FAM117A: variants seen among roughly 807,000 people sequenced by gnomAD.
The protein encoded by FAM117A is protein FAM117A.
Under a neutral mutation model 44.1 loss-of-function variants are expected in FAM117A, and 21 were observed. The ratio of observed to expected loss-of-function variants is 0.48; its 90% CI spans 0.34 to 0.69. The LOEUF is 0.69. Among genes scored for constraint, FAM117A ranks in the 30% least tolerant of loss-of-function variants. The pLI is 0.01. For synonymous variants in FAM117A, 220 were observed against 238.3 expected, an observed-to-expected ratio of 0.92 and a Z score of 0.71; for missense variants, 498 against 589.9, an observed-to-expected ratio of 0.84 and a Z score of 1.61.
At chr17:49,748,317 C>T (rs997748351) in intron 1 of FAM117A, among the ~76,000 whole-genome samples, 2 of 152,154 alleles carry the variant, frequency 1.3e-5, no homozygotes, top group East Asian at 3.8e-4. Flanking sequence ...TATGATGGTC[C>T]TCTCTGAGCA....
chr17:49,742,272 G>A (rs937608294), intron 1 of FAM117A, among the ~76,000 whole-genome samples: 1 of 152,120 alleles, frequency 6.6e-6, no homozygotes, highest in African/African-American at 2.4e-5. Flanking sequence ...GACTTCCCAA[G>A]ATGCAGACCA....
chr17:49,752,470 T>C (rs1021420337), intron 1 of FAM117A, among the ~76,000 whole-genome samples: 4 of 152,174 alleles, frequency 2.6e-5, no homozygotes, highest in Non-Finnish European at 4.4e-5. Flanking sequence ...ACCCCTGCCA[T>C]AGGAACGCAT....
Position 49,710,361 on chromosome 17 carries a change from C to G in FAM117A, c.*894G>C, listed in dbSNP as rs2073471116. 6.6e-6 allele frequency: 1 copy of G among 152,546 alleles called. No individual in the cohort carries two copies. 9.4% of individuals were successfully genotyped at this position (152,546 alleles called of 1,614,324 possible). A position where few individuals can be genotyped will look rare whatever the true frequency, so the allele number is the denominator to read the frequency against. On this transcript the variant is annotated 3_prime_UTR_variant, in exon 8 of 8. Coordinates refer to ENST00000240364, the MANE Select transcript of FAM117A (RefSeq NM_030802.4). ...GGGAATATTTATTTATTTATTTGGT[C>G]TATTAACACCAAGATCTGCAAAAAA... is the stretch of plus-strand genomic sequence containing the variant.
rs956278023 is a variant in FAM117A at position 49,710,415 on chromosome 17, C to G, written c.*840G>C. On this transcript the variant is annotated 3_prime_UTR_variant, in exon 8 of 8. Transcript: ENST00000240364. ...CCTCTAAACACAAGATAAGAAAACT[C>G]GAACATTAACATTCTTCAATTTTGT... The G allele has an allele frequency of 6.6e-6, 1 of 152,598 alleles. No individual in the cohort carries two copies. Among genetic ancestry groups the G allele is most frequent in the Non-Finnish European group, 1.5e-5 (1 of 68,034 alleles). The allele number at this position is 152,598 out of a possible 1,614,324, so 9.5% of individuals were successfully genotyped here.
intron 1 of FAM117A, among the ~76,000 whole-genome samples, chr17:49,785,133 C>A (rs911129074): frequency 4.6e-5 from 7 of 152,254 alleles, no homozygotes; most frequent in Non-Finnish European, 1.0e-4. Flanking sequence ...CTTTACAACA[C>A]TCATCTTCTT....
At chr17:49,733,031 C>A in intron 1 of FAM117A, 1 of 301,572 alleles carries the variant, frequency 3.3e-6, no homozygotes, top group Non-Finnish European at 6.4e-6. Context: ...CCTAGATCTC[C>A]ACACTGAGTT....
intron 1 of FAM117A, 25 bp downstream of exon 1, chr17:49,763,867 G>A: frequency 3.6e-6 from 3 of 824,908 alleles, no homozygotes; most frequent in Non-Finnish European, 4.2e-6. Flanking sequence ...CTCCTTCCAC[G>A]GCACCCGCTC....
intron 1 of FAM117A, among the ~76,000 whole-genome samples, chr17:49,755,616 A>G (rs1179319036): frequency 1.3e-5 from 2 of 152,234 alleles, no homozygotes; most frequent in East Asian, 1.9e-4. Flanking sequence ...AGGCCTAGCA[A>G]TGACATCTAT....
At chr17:49,731,847 G>A (rs770725820) in intron 2 of FAM117A, among the ~76,000 whole-genome samples, 4 of 152,110 alleles carry the variant, frequency 2.6e-5, no homozygotes, top group Non-Finnish European at 5.9e-5. Context: ...ATGCAATGGC[G>A]TGATCTCAGC....
At chr17:49,744,250 T>C (rs981158108) in intron 1 of FAM117A, among the ~76,000 whole-genome samples, 1 of 152,174 alleles carries the variant, frequency 6.6e-6, no homozygotes, top group Admixed American at 6.5e-5. Context: ...ATATGACCTA[T>C]GCACATCCTC....
At chr17:49,780,628 C>T (rs951892281) in intron 1 of FAM117A, among the ~76,000 whole-genome samples, 5 of 152,266 alleles carry the variant, frequency 3.3e-5, no homozygotes, top group South Asian at 2.1e-4. Context: ...TCTCAGCCTC[C>T]GAAAAGTGCT....
intron 1 of FAM117A, among the ~76,000 whole-genome samples, chr17:49,742,238 G>A (rs987563266): frequency 6.6e-6 from 1 of 152,194 alleles, no homozygotes; most frequent in African/African-American, 2.4e-5. Flanking sequence ...GAGAGCCACT[G>A]AAAGCATTTC....
rs562481524 is a variant in FAM117A, at chr17:49,752,093, T to TA, written c.196+11798dup. ...CAACATAGTGAGATCCCATCTCTAT[T>TA]AAAAAAAAAAATTCTATACAGAGTA... On this transcript the variant is annotated intron_variant, in intron 1 of 7. Transcript: ENST00000240364. Among the ~76,000 whole-genome samples, 255 of 149,052 alleles carry TA rather than the reference T, an allele frequency of 1.7e-3. 1 individual carries two copies. The highest frequency in any genetic ancestry group is 5.7e-3 in the African/African-American group (233 of 40,804).
At chr17:49,726,677 C>T (rs2143720277) in intron 2 of FAM117A, among the ~76,000 whole-genome samples, 1 of 152,202 alleles carries the variant, frequency 6.6e-6, no homozygotes, top group South Asian at 2.1e-4. Context: ...GAAAAGCTCC[C>T]CTTCAAAAAG....
In FAM117A at chr17:49,786,726, G is replaced by A. The variant is rs551380921; in HGVS notation, c.-621+1771C>T. 2.7e-5 allele frequency among the ~76,000 whole-genome samples: 4 copies of A among 150,788 alleles called. No homozygotes were observed. In the East Asian group the frequency reaches 7.8e-4, roughly 29 times the overall value. On this transcript the variant is annotated intron_variant, in intron 1 of 7. Coordinates refer to the FAM117A transcript ENST00000513602. ...CGGGAGGCGGAGGCTGCGGTGAGCC[G>A]AGCTCGTGCCATTGCCCTCCAGCCT... is the stretch of plus-strand genomic sequence containing the variant.
chr17:49,754,037 C>T (rs1403714776), intron 1 of FAM117A, among the ~76,000 whole-genome samples: 1 of 152,168 alleles, frequency 6.6e-6, no homozygotes, highest in Non-Finnish European at 1.5e-5. Flanking sequence ...CCCTTCTCTC[C>T]CCAGTTGCTA....
At chr17:49,758,230 G>A (rs2073706501) in intron 1 of FAM117A, among the ~76,000 whole-genome samples, 1 of 152,104 alleles carries the variant, frequency 6.6e-6, no homozygotes, top group African/African-American at 2.4e-5. Flanking sequence ...TACTTGGGAA[G>A]CTGAGGCAGG....
At chr17:49,784,144 T>C (rs2073798405) in intron 1 of FAM117A, among the ~76,000 whole-genome samples, 1 of 152,216 alleles carries the variant, frequency 6.6e-6, no homozygotes, top group Admixed American at 6.5e-5. Context: ...ACCTATAATT[T>C]TACTGTCAAG....
intron 1 of FAM117A, among the ~76,000 whole-genome samples, chr17:49,747,005 G>A (rs1438759233): frequency 6.6e-6 from 1 of 152,086 alleles, no homozygotes; most frequent in Non-Finnish European, 1.5e-5. Flanking sequence ...ACAGGAAACT[G>A]TACGCAGATG....
Sources: allele counts gnomAD v4.1 joint callset (sites outside exome capture counted in the v4.1 genomes callset), GRCh38; gene constraint gnomAD v4.1.1; transcripts MANE v1.5; gene names NCBI Gene and HGNC (gene_info 2026-07-23, HGNC 2026-07-21).